QTMAN: variants seen among roughly 807,000 people sequenced by gnomAD.
The protein encoded by QTMAN is tRNA-queuosine alpha-mannosyltransferase.
the QTMAN span, among the ~76,000 whole-genome samples, chr2:144,107,668 C>A: frequency 1.3e-5 from 2 of 152,148 alleles, no homozygotes; most frequent in East Asian, 1.9e-4. Flanking sequence ...CGAATTCTAC[C>A]AGAGGTACAA....
the QTMAN span, among the ~76,000 whole-genome samples, chr2:144,314,676 G>A: frequency 5.3e-5 from 8 of 152,130 alleles, no homozygotes; most frequent in African/African-American, 1.7e-4. Context: ...TAGTGCCACC[G>A]CACTCCAGCC....
the QTMAN span, among the ~76,000 whole-genome samples, chr2:144,150,211 A>C: frequency 1.3e-5 from 2 of 152,210 alleles, no homozygotes; most frequent in South Asian, 4.1e-4. Flanking sequence ...CTTTGACAAA[A>C]GAGTAAATTC....
chr2:144,197,829 G>C, the QTMAN span, among the ~76,000 whole-genome samples: 1 of 152,082 alleles, frequency 6.6e-6, no homozygotes, highest in Non-Finnish European at 1.5e-5. Flanking sequence ...ATCCAATACT[G>C]CTGTAATAAT....
chr2:144,084,567 G>C, the QTMAN span, among the ~76,000 whole-genome samples: 1 of 152,294 alleles, frequency 6.6e-6, no homozygotes, highest in Admixed American at 6.5e-5. Context: ...CAGAACCCAT[G>C]ATGCTTGTCC....
the QTMAN span, among the ~76,000 whole-genome samples, chr2:144,205,165 C>T: frequency 2.0e-5 from 3 of 151,950 alleles, no homozygotes; most frequent in Non-Finnish European, 4.4e-5. Flanking sequence ...AGAAGAAGAA[C>T]GAATAGTATA....
At chr2:144,116,577 T>C in the QTMAN span, among the ~76,000 whole-genome samples, 1 of 152,188 alleles carries the variant, frequency 6.6e-6, no homozygotes, top group Non-Finnish European at 1.5e-5. Context: ...TGCCATACCC[T>C]ATGTCTATGA....
the QTMAN span, among the ~76,000 whole-genome samples, chr2:144,165,137 C>T: frequency 2.0e-5 from 3 of 151,918 alleles, no homozygotes; most frequent in South Asian, 2.1e-4. Context: ...TTTGGTAGGC[C>T]GAGGCGGGTG....
the QTMAN span, among the ~76,000 whole-genome samples, chr2:144,180,285 T>A: frequency 6.6e-6 from 1 of 152,164 alleles, no homozygotes; most frequent in African/African-American, 2.4e-5. Context: ...TTTTTCCACA[T>A]TGGTGACATT....
the QTMAN span, among the ~76,000 whole-genome samples, chr2:143,996,654 C>G: frequency 6.6e-6 from 1 of 152,066 alleles, no homozygotes; most frequent in East Asian, 1.9e-4. Flanking sequence ...CCACCTAATA[C>G]AGTAATTTTC....
At chr2:144,152,091 T>C in the QTMAN span, among the ~76,000 whole-genome samples, 1 of 152,212 alleles carries the variant, frequency 6.6e-6, no homozygotes, top group Non-Finnish European at 1.5e-5. Context: ...CCAAAAGCTG[T>C]CTCATCATGT....
chr2:144,332,921 C>A, the QTMAN span, among the ~76,000 whole-genome samples: 1 of 152,220 alleles, frequency 6.6e-6, no homozygotes, highest in Non-Finnish European at 1.5e-5. Flanking sequence ...ATTAGGTCGA[C>A]CTCGGATTCC....
At chr2:144,046,202 G>A in the QTMAN span, among the ~76,000 whole-genome samples, 3 of 152,134 alleles carry the variant, frequency 2.0e-5, no homozygotes, top group Non-Finnish European at 4.4e-5. Context: ...ATTTGATATT[G>A]AATAATGAGA....
chr2:144,310,031 G>C, the QTMAN span, among the ~76,000 whole-genome samples: 11 of 32,180 alleles, frequency 3.4e-4, no homozygotes, highest in African/African-American at 1.3e-3. Context: ...GTCATAAAAA[G>C]TAAAGCAAAA....
chr2:144,192,763 C>G, the QTMAN span, among the ~76,000 whole-genome samples: 1 of 152,334 alleles, frequency 6.6e-6, no homozygotes, highest in African/African-American at 2.4e-5. Context: ...AGTGACACAG[C>G]TGACCTGAAA....
chr2:144,153,673 A>G, the QTMAN span, among the ~76,000 whole-genome samples: 1 of 152,352 alleles, frequency 6.6e-6, no homozygotes, highest in Admixed American at 6.5e-5. Flanking sequence ...CCTGGGCGAC[A>G]GAGAGAGACT....
chr2:144,197,700 T>C, the QTMAN span, among the ~76,000 whole-genome samples: 513 of 152,296 alleles, frequency 3.4e-3, 4 homozygotes, highest in African/African-American at 0.011. Flanking sequence ...TTCATCCATA[T>C]TGCTAGTTCC....
chr2:144,113,704 G>A, the QTMAN span, among the ~76,000 whole-genome samples: 1 of 152,174 alleles, frequency 6.6e-6, no homozygotes, highest in Non-Finnish European at 1.5e-5. Context: ...CTTGAAAGCA[G>A]GCAGAGACAA....
At chr2:143,997,897 A>G in the QTMAN span, among the ~76,000 whole-genome samples, 1 of 152,084 alleles carries the variant, frequency 6.6e-6, no homozygotes, top group Non-Finnish European at 1.5e-5. Context: ...CTAATGAGGA[A>G]CATTAACCCC....
the QTMAN span, among the ~76,000 whole-genome samples, chr2:144,229,194 G>A: frequency 2.3e-4 from 35 of 152,176 alleles, no homozygotes; most frequent in African/African-American, 8.4e-4. Flanking sequence ...CATTCTCTAT[G>A]TATGTTTCTC....
Sources: gnomAD v4.1 joint callset for allele counts (sites outside exome capture counted in the v4.1 genomes callset) on GRCh38, gnomAD v4.1.1 for gene constraint, MANE v1.5 for transcripts, NCBI Gene and HGNC (gene_info 2026-07-23, HGNC 2026-07-21) for gene names.